EYA2: variants seen among roughly 807,000 people sequenced by gnomAD.
EYA2 encodes the protein protein phosphatase EYA2.
Under a neutral mutation model 69.2 loss-of-function variants are expected in EYA2, and 31 were observed. That is an observed-to-expected ratio of 0.45 (90% CI 0.34 to 0.60). The LOEUF is 0.60. Among genes scored for constraint, EYA2 ranks in the 20% least tolerant of loss-of-function variants. The probability of loss-of-function intolerance (pLI) is 0.02; values close to 1 mark genes in which losing one functional copy is unlikely to be tolerated. For missense variants in EYA2, 622 were observed against 701.2 expected (o/e 0.89, Z 1.28); for synonymous variants, 257 against 279.4 (o/e 0.92, Z 0.80).
chr20:47,167,996 G>T (rs999820769), intron 10 of EYA2, among the ~76,000 whole-genome samples: 1 of 151,872 alleles, frequency 6.6e-6, no homozygotes, highest in Non-Finnish European at 1.5e-5. Flanking sequence ...AGCAGCTCCC[G>T]GCTTAATCCA....
intron 1 of EYA2, among the ~76,000 whole-genome samples, chr20:46,911,408 A>G (rs1255973008): frequency 6.6e-6 from 1 of 152,194 alleles, no homozygotes; most frequent in Non-Finnish European, 1.5e-5. Context: ...GTTCTTCTGC[A>G]TGGCACCCGG....
At chr20:47,181,844 G>C (rs2146674445) in intron 14 of EYA2, among the ~76,000 whole-genome samples, 1 of 152,032 alleles carries the variant, frequency 6.6e-6, no homozygotes, top group East Asian at 1.9e-4. Context: ...ATAGTAGTAG[G>C]GGCCAAAATG....
At position 47,166,400 on chromosome 20, in the gene EYA2, A is replaced by T. The variant is rs1223374768; in HGVS notation, c.979-2739A>T. 1.5e-3 allele frequency among the ~76,000 whole-genome samples: 149 copies of T among 102,098 alleles called. 7 individuals carry two copies. Among genetic ancestry groups the T allele is most frequent in the East Asian group, 5.2e-3 (17 of 3,268 alleles). The allele number at this position is 102,098 out of a possible 152,430, so 67.0% of individuals were successfully genotyped here. On this transcript the variant is annotated intron_variant, in intron 10 of 15. Transcript: ENST00000327619. Reference sequence around the variant, plus strand: ...TGACAGAGCAAGACTGTCTAAAAAAAAAAAAAAAAAAAAAAAAAAAAAAAA... The same window carrying T: ...TGACAGAGCAAGACTGTCTAAAAAATAAAAAAAAAAAAAAAAAAAAAAAAA...
intron 9 of EYA2, among the ~76,000 whole-genome samples, chr20:47,132,661 T>A (rs2146580276): frequency 6.6e-6 from 1 of 152,328 alleles, no homozygotes; most frequent in East Asian, 1.9e-4. Context: ...TCTCAACCAC[T>A]TTGCTTCATG....
chr20:47,008,769 C>T (rs1982883999), intron 4 of EYA2, among the ~76,000 whole-genome samples: 1 of 152,200 alleles, frequency 6.6e-6, no homozygotes, highest in East Asian at 1.9e-4. Flanking sequence ...CTGCAAGACC[C>T]TGAGGGAGCA....
intron 1 of EYA2, among the ~76,000 whole-genome samples, chr20:46,982,135 C>T (rs1434715451): frequency 1.3e-5 from 2 of 152,132 alleles, no homozygotes; most frequent in African/African-American, 2.4e-5. Context: ...GCTGAATTTT[C>T]GTGTTTCCAG....
At chr20:47,093,956 A>G (rs1392848042) in intron 8 of EYA2, among the ~76,000 whole-genome samples, 1 of 152,188 alleles carries the variant, frequency 6.6e-6, no homozygotes, top group Admixed American at 6.5e-5. Context: ...TTGGCCACCA[A>G]TAGCCCTCCC....
chr20:46,970,412 C>T (rs1215855567), intron 1 of EYA2, among the ~76,000 whole-genome samples: 1 of 152,108 alleles, frequency 6.6e-6, no homozygotes, highest in Non-Finnish European at 1.5e-5. Flanking sequence ...TTAGTTGTTA[C>T]AACTCGGGGA....
At position 47,172,770 on chromosome 20, in the gene EYA2, C is replaced by T. The variant is rs1013662660; in HGVS notation, c.1101C>T (p.Gly367=). 6 of 1,614,026 alleles carry T rather than the reference C, an allele frequency of 3.7e-6. No individual in the cohort carries two copies. In the African/African-American group the frequency reaches 8.0e-5, roughly 22 times the overall value. The change falls in exon 12 of 16, where the codon GGC becomes GGT. Residue 367 remains glycine (G), a synonymous_variant. Coordinates refer to ENST00000327619, the MANE Select transcript of EYA2 (RefSeq NM_005244.5). ...CCCCAGGAGCCAACCTGTGCCTGGG[C>T]TCTGGCGTGCACGGCGGCGTGGACT... ...SSAPGANLCL[G]SGVHGGVDWM...
At chr20:47,028,975 C>G (rs552915790) in intron 5 of EYA2, among the ~76,000 whole-genome samples, 1 of 152,088 alleles carries the variant, frequency 6.6e-6, no homozygotes, top group Non-Finnish European at 1.5e-5. Flanking sequence ...TAAGAAATTT[C>G]CCAATTAAAA....
At chr20:46,991,874 A>G (rs1212973726) in intron 2 of EYA2, among the ~76,000 whole-genome samples, 1 of 149,452 alleles carries the variant, frequency 6.7e-6, no homozygotes, top group East Asian at 2.0e-4. Context: ...AAGCTGAGGC[A>G]GGAGAATTGC....
At chr20:47,133,431 C>T (rs1029722735) in intron 9 of EYA2, among the ~76,000 whole-genome samples, 7 of 152,154 alleles carry the variant, frequency 4.6e-5, no homozygotes, top group Non-Finnish European at 7.3e-5. Context: ...TGCTAATTTA[C>T]GGATGTGACT....
chr20:46,895,803 G>GT (rs1057235849), intron 1 of EYA2, among the ~76,000 whole-genome samples: 3 of 152,308 alleles, frequency 2.0e-5, no homozygotes, highest in South Asian at 4.1e-4. Flanking sequence ...CTAGGAAAGC[G>GT]TGACTGGTGA....
intron 12 of EYA2, among the ~76,000 whole-genome samples, chr20:47,175,779 G>A (rs1192237897): frequency 1.3e-5 from 2 of 152,170 alleles, no homozygotes; most frequent in African/African-American, 4.8e-5. Context: ...AAAGTGCTGA[G>A]CCTTGTGAGT....
intron 10 of EYA2, among the ~76,000 whole-genome samples, chr20:47,156,381 C>T (rs934324936): frequency 6.6e-6 from 1 of 150,858 alleles, no homozygotes; most frequent in South Asian, 2.2e-4. Context: ...AACAAGGTAA[C>T]GCTAAAGATC....
intron 1 of EYA2, among the ~76,000 whole-genome samples, chr20:46,984,774 G>A (rs1981077296): frequency 6.6e-6 from 1 of 152,156 alleles, no homozygotes; most frequent in South Asian, 2.1e-4. Flanking sequence ...CATATATATA[G>A]GGAGAGATAC....
At chr20:47,033,003 C>G (rs1025423853) in intron 5 of EYA2, among the ~76,000 whole-genome samples, 2 of 152,186 alleles carry the variant, frequency 1.3e-5, no homozygotes, top group Non-Finnish European at 1.5e-5. Context: ...GCAGGCCTCG[C>G]CAGGTCTCGC....
chr20:46,930,299 T>C (rs1985611941), intron 1 of EYA2, among the ~76,000 whole-genome samples: 1 of 152,234 alleles, frequency 6.6e-6, no homozygotes, highest in Non-Finnish European at 1.5e-5. Context: ...AGGTAATAAT[T>C]ATAGCTGCCC....
chr20:47,019,186 AC>A (rs2146376018), intron 5 of EYA2, among the ~76,000 whole-genome samples: 1 of 151,240 alleles, frequency 6.6e-6, no homozygotes, highest in South Asian at 2.1e-4. Flanking sequence ...CTAGGGCCCC[AC>A]CCCCCACCTC....
Sources: allele counts gnomAD v4.1 joint callset (sites outside exome capture counted in the v4.1 genomes callset), GRCh38; gene constraint gnomAD v4.1.1; transcripts MANE v1.5; gene names NCBI Gene and HGNC (gene_info 2026-07-23, HGNC 2026-07-21).